KCNK13: variants seen among roughly 807,000 people sequenced by gnomAD.
The protein encoded by KCNK13 is potassium two pore domain channel subfamily K member 13, also known as potassium channel subfamily K member 13.
A neutral mutation model predicts 23.4 loss-of-function variants in KCNK13; 12 were observed. The observed-to-expected ratio is 0.51, with a 90% CI of 0.33 to 0.83. The LOEUF is 0.83. Ranked by LOEUF, KCNK13 falls within the 40% of genes least tolerant of loss-of-function variation. KCNK13 has a pLI of 0.02. For missense variants in KCNK13, 463 were observed against 556.3 expected (o/e 0.83, Z 1.69); for synonymous variants, 231 against 229.5 (o/e 1.01, Z -0.06).
intron 1 of KCNK13, among the ~76,000 whole-genome samples, chr14:90,128,829 A>G (rs1889833682): frequency 6.6e-6 from 1 of 152,204 alleles, no homozygotes; most frequent in Non-Finnish European, 1.5e-5. Context: ...TGATACATAC[A>G]GAAGAATACG....
chr14:90,138,868 C>A (rs1889968719), intron 1 of KCNK13, among the ~76,000 whole-genome samples: 1 of 152,148 alleles, frequency 6.6e-6, no homozygotes, highest in Admixed American at 6.5e-5. Context: ...GAGGTTGCTT[C>A]TGGGGTTAAT....
intron 1 of KCNK13, among the ~76,000 whole-genome samples, chr14:90,096,731 G>T (rs1889415354): frequency 2.0e-5 from 3 of 152,154 alleles, no homozygotes; most frequent in Admixed American, 1.3e-4. Context: ...GCCAGAAAGT[G>T]GAGAATCAGC....
intron 1 of KCNK13, among the ~76,000 whole-genome samples, chr14:90,132,365 G>A (rs572376685): frequency 1.2e-4 from 18 of 152,102 alleles, no homozygotes; most frequent in Non-Finnish European, 2.2e-4. Flanking sequence ...CCAACATGGC[G>A]AAACCCCGTC....
intron 1 of KCNK13, among the ~76,000 whole-genome samples, chr14:90,176,625 G>A (rs1453648026): frequency 6.6e-6 from 1 of 152,228 alleles, no homozygotes; most frequent in Non-Finnish European, 1.5e-5. Flanking sequence ...GTTCCTCGGA[G>A]TATTGAGAAG....
intron 1 of KCNK13, among the ~76,000 whole-genome samples, chr14:90,094,650 T>C (rs994803417): frequency 5.3e-4 from 43 of 80,718 alleles, no homozygotes; most frequent in Non-Finnish European, 8.8e-4. Flanking sequence ...TTTTTCTTTT[T>C]TTTTTTTTTT....
At chr14:90,175,038 A>G (rs1268035599) in intron 1 of KCNK13, among the ~76,000 whole-genome samples, 1 of 152,132 alleles carries the variant, frequency 6.6e-6, no homozygotes, top group Non-Finnish European at 1.5e-5. Context: ...TGTACATGAC[A>G]GTGGATCCAT....
intron 1 of KCNK13, among the ~76,000 whole-genome samples, chr14:90,089,851 GC>G (rs1889321934): frequency 2.0e-5 from 3 of 152,236 alleles, no homozygotes; most frequent in Admixed American, 6.5e-5. Flanking sequence ...CAAGCCCCAA[GC>G]CTTGGTAGCT....
At chr14:90,162,343 A>G (rs956685110) in intron 1 of KCNK13, among the ~76,000 whole-genome samples, 6 of 152,196 alleles carry the variant, frequency 3.9e-5, no homozygotes, top group Admixed American at 1.3e-4. Context: ...GAAAGAATAG[A>G]CTATTCAGAG....
At chr14:90,124,697 G>A (rs751376593) in intron 1 of KCNK13, among the ~76,000 whole-genome samples, 1 of 152,360 alleles carries the variant, frequency 6.6e-6, no homozygotes, top group East Asian at 1.9e-4. Context: ...GCAGCCCTGC[G>A]GACAGCTTGG....
chr14:90,170,319 T>C (rs1211642529), intron 1 of KCNK13, among the ~76,000 whole-genome samples: 3 of 152,130 alleles, frequency 2.0e-5, no homozygotes, highest in Non-Finnish European at 1.5e-5. Context: ...GTTCAGGTGA[T>C]TCTCCTGCCT....
intron 1 of KCNK13, among the ~76,000 whole-genome samples, chr14:90,086,371 A>G (rs1193078275): frequency 6.6e-6 from 1 of 152,186 alleles, no homozygotes; most frequent in Non-Finnish European, 1.5e-5. Context: ...CAGAGGTTAC[A>G]TAGCTTGCCC....
chr14:90,098,653 C>CA (rs1259916075), intron 1 of KCNK13, among the ~76,000 whole-genome samples: 198 of 104,604 alleles, frequency 1.9e-3, no homozygotes, highest in Admixed American at 2.2e-3. Flanking sequence ...ACTCGGTCTC[C>CA]AAAAAAAAAA....
chr14:90,120,406 G>T (rs1055521873), intron 1 of KCNK13, among the ~76,000 whole-genome samples: 3 of 152,162 alleles, frequency 2.0e-5, no homozygotes, highest in Non-Finnish European at 4.4e-5. Flanking sequence ...CCGAGATTGG[G>T]TAACTTATAA....
chr14:90,126,432 TGTGACGTGATGTGACGTGAC>T (rs901502831), intron 1 of KCNK13, among the ~76,000 whole-genome samples: 11 of 99,134 alleles, frequency 1.1e-4, no homozygotes, highest in African/African-American at 1.4e-4. Flanking sequence ...ATCCCCTTGA[TGTGACGTGATGTGACGTGAC>T]GTGACGTGAC....
chr14:90,115,064 T>C (rs181607499), intron 1 of KCNK13, among the ~76,000 whole-genome samples: 27 of 152,322 alleles, frequency 1.8e-4, no homozygotes, highest in Admixed American at 1.0e-3. Context: ...CAATGCAGAT[T>C]CTGGCAACCA....
At chr14:90,174,864 A>G (rs2140445801) in intron 1 of KCNK13, among the ~76,000 whole-genome samples, 1 of 152,016 alleles carries the variant, frequency 6.6e-6, no homozygotes, top group African/African-American at 2.4e-5. Context: ...AAAAAAATTA[A>G]ATAAATAAAT....
rs149928897 is a variant in KCNK13 at position 90,101,395 on chromosome 14, G to A, written c.334+38856G>A. On this transcript the variant is annotated intron_variant, in intron 1 of 1. Coordinates refer to ENST00000282146, the MANE Select transcript of KCNK13 (RefSeq NM_022054.4). ...GCAAAACCAATACTTAGACGAGGGG[G>A]CAGGGGCATCACATTCAGAAATTCT... 9.9e-4 allele frequency among the ~76,000 whole-genome samples: 150 copies of A among 152,150 alleles called. 2 individuals are homozygous for A. In the Middle Eastern group the frequency reaches 0.014, roughly 14 times the overall value.
chr14:90,117,477 C>A (rs1308461377), intron 1 of KCNK13, among the ~76,000 whole-genome samples: 1 of 152,070 alleles, frequency 6.6e-6, no homozygotes, highest in Non-Finnish European at 1.5e-5. Context: ...GTAGTCCCAG[C>A]TACTCGGGAG....
In KCNK13 at chr14:90,062,457, C is replaced by T; in HGVS notation, c.252C>T (p.Ala84=). The change falls in exon 1 of 2, where the codon GCC becomes GCT. Residue 84 remains alanine (A), a synonymous_variant. Transcript: ENST00000282146. The surrounding 1 kb of genome is among the most constrained non-coding windows in gnomAD (Gnocchi z 4.5). ...FLRHYEEATR[A]GIRVDNVRPR... is the part of the protein sequence containing the mutation. ...GCCACTACGAGGAGGCCACTCGGGC[C>T]GGCATCCGCGTGGACAACGTCCGCC... The T allele has an allele frequency of 3.9e-6, 6 of 1,546,792 alleles. No homozygotes were observed. Among genetic ancestry groups the T allele is most frequent in the East Asian group, 2.4e-5 (1 of 40,894 alleles).
Sources: allele counts gnomAD v4.1 joint callset (sites outside exome capture counted in the v4.1 genomes callset), GRCh38; gene constraint gnomAD v4.1.1; non-coding constraint Gnocchi (gnomAD v3.1); transcripts MANE v1.5; gene names NCBI Gene and HGNC (gene_info 2026-07-23, HGNC 2026-07-21).